NLGN4Y: variants seen among roughly 807,000 people sequenced by gnomAD.
NLGN4Y encodes the protein neuroligin 4 Y-linked.
Under a neutral mutation model 8.4 loss-of-function variants are expected in NLGN4Y, and 4 were observed. That is an observed-to-expected ratio of 0.48 (90% CI 0.23 to 1.09). NLGN4Y has a LOEUF of 1.09. Ranked by LOEUF, NLGN4Y falls within the 50% of genes least tolerant of loss-of-function variation. The probability of loss-of-function intolerance (pLI) is 0.19; values close to 1 mark genes in which losing one functional copy is unlikely to be tolerated. For synonymous variants in NLGN4Y, 35 were observed against 75.6 expected (o/e 0.46, Z 2.78); for missense variants, 90 against 192.3 (o/e 0.47, Z 3.15).
chrY:14,804,527 G>A (rs2043049847), intron 4 of NLGN4Y, among the ~76,000 whole-genome samples: 1 of 33,326 alleles, frequency 3.0e-5, no homozygotes, highest in Non-Finnish European at 7.4e-5. Flanking sequence ...TGATTATGAG[G>A]ACTTCAAGGC....
At chrY:14,542,037 G>A in intron 1 of NLGN4Y, among the ~76,000 whole-genome samples, 1 of 33,394 alleles carries the variant, frequency 3.0e-5, no homozygotes. Flanking sequence ...AACACTCATT[G>A]GTGAGCTCTA....
chrY:14,675,212 A>T (rs772377078), intron 2 of NLGN4Y, among the ~76,000 whole-genome samples: 42 of 33,352 alleles, frequency 1.3e-3, no homozygotes, highest in Middle Eastern at 0.013. Flanking sequence ...GATAATGATT[A>T]CTAGAGTCCA....
intron 1 of NLGN4Y, among the ~76,000 whole-genome samples, chrY:14,559,435 A>G: frequency 3.0e-5 from 1 of 33,474 alleles, no homozygotes. Context: ...GCCATTTCAA[A>G]ATATATGAAA....
chrY:14,625,981 A>G (rs748874073), intron 2 of NLGN4Y, among the ~76,000 whole-genome samples: 3 of 33,859 alleles, frequency 8.9e-5, no homozygotes, highest in Admixed American at 2.6e-4. Context: ...GAGCCAAGGA[A>G]CCACTTCCGG....
intron 4 of NLGN4Y, among the ~76,000 whole-genome samples, chrY:14,744,193 C>T (rs1034847121): frequency 4.2e-4 from 14 of 33,482 alleles, no homozygotes; most frequent in Admixed American, 2.4e-3. Context: ...TATGTGTATA[C>T]GGTAAGTGCT....
At chrY:14,589,856 C>A (rs1016520320) in intron 1 of NLGN4Y, among the ~76,000 whole-genome samples, 64 of 34,305 alleles carry the variant, frequency 1.9e-3, no homozygotes, top group South Asian at 5.1e-3. Flanking sequence ...TGGGGAGGCT[C>A]GGGCCGCACA....
At chrY:14,553,536 A>T (rs2080201337) in intron 1 of NLGN4Y, among the ~76,000 whole-genome samples, 1 of 29,616 alleles carries the variant, frequency 3.4e-5, no homozygotes, top group South Asian at 8.0e-4. Context: ...ACAAGGCCCC[A>T]GTAACCAAAG....
At chrY:14,785,623 G>A in intron 4 of NLGN4Y, among the ~76,000 whole-genome samples, 1 of 32,771 alleles carries the variant, frequency 3.1e-5, no homozygotes, top group Non-Finnish European at 7.5e-5. Context: ...CATTAGCCGG[G>A]CGCTGTGGCG....
At chrY:14,725,121 A>G (rs2080951825) in intron 4 of NLGN4Y, among the ~76,000 whole-genome samples, 1 of 33,276 alleles carries the variant, frequency 3.0e-5, no homozygotes, top group Non-Finnish European at 7.4e-5. Flanking sequence ...ACTCCACCCA[A>G]TCGATGATTA....
intron 1 of NLGN4Y, among the ~76,000 whole-genome samples, chrY:14,554,605 G>A: frequency 6.0e-5 from 2 of 33,416 alleles, no homozygotes; most frequent in Non-Finnish European, 1.5e-4. Flanking sequence ...GGATCTGCAC[G>A]ATGGTTATGA....
rs763463638 is a variant in NLGN4Y, at chrY:14,682,462, C to T, written c.473-36997C>T. On this transcript the variant is annotated intron_variant, in intron 2 of 6. Transcript: ENST00000684976. ...CTCTTGTCTTTTGCCAAGCAAAGAACAGTCCCTGGTATCTGGCAAAAGAGA... is the reference window on the plus strand; with the variant it reads ...CTCTTGTCTTTTGCCAAGCAAAGAATAGTCCCTGGTATCTGGCAAAAGAGA... 2.7e-4 allele frequency among the ~76,000 whole-genome samples: 9 copies of T among 33,301 alleles called. No individual in the cohort carries two copies. The Middle Eastern group carries it at 0.12, about 463-fold the overall frequency. 89.3% of individuals were successfully genotyped at this position (33,301 alleles called of 37,273 possible).
intron 1 of NLGN4Y, among the ~76,000 whole-genome samples, chrY:14,601,616 G>T (rs2080427320): frequency 3.1e-5 from 1 of 32,588 alleles, no homozygotes. Context: ...GAGCGTCTTG[G>T]TGGTGAAAGC....
chrY:14,733,932 A>G, intron 4 of NLGN4Y, among the ~76,000 whole-genome samples: 1 of 33,173 alleles, frequency 3.0e-5, no homozygotes. Context: ...GTGTCCCTTT[A>G]TCTTTGCCAT....
chrY:14,721,838 G>A, intron 3 of NLGN4Y, among the ~76,000 whole-genome samples: 1 of 32,375 alleles, frequency 3.1e-5, no homozygotes, highest in Non-Finnish European at 7.6e-5. Context: ...GTTTATAGGG[G>A]AGGTCAGTTT....
chrY:14,702,346 T>A, intron 2 of NLGN4Y, among the ~76,000 whole-genome samples: 1 of 31,362 alleles, frequency 3.2e-5, no homozygotes, highest in African/African-American at 1.2e-4. Flanking sequence ...CAGTGTGTGA[T>A]GTTCCCCTTC....
intron 2 of NLGN4Y, among the ~76,000 whole-genome samples, chrY:14,632,995 T>C (rs2080553925): frequency 3.0e-5 from 1 of 33,736 alleles, no homozygotes; most frequent in African/African-American, 1.2e-4. Context: ...ATGAAGAACA[T>C]TTTCCATTAC....
intron 1 of NLGN4Y, among the ~76,000 whole-genome samples, chrY:14,610,663 A>C: frequency 3.0e-5 from 1 of 33,020 alleles, no homozygotes; most frequent in South Asian, 6.7e-4. Context: ...TGTGGTGCTG[A>C]GAAGAATGTA....
chrY:14,626,140 T>C, intron 2 of NLGN4Y, among the ~76,000 whole-genome samples: 1 of 34,183 alleles, frequency 2.9e-5, no homozygotes, highest in Non-Finnish European at 7.3e-5. Context: ...ACTTCACGAA[T>C]GAAGCTGCCG....
At chrY:14,771,358 GAAACCCTACAAGCCAGAACTGGCTTGT>G (rs2081107583) in intron 4 of NLGN4Y, among the ~76,000 whole-genome samples, 1 of 32,133 alleles carries the variant, frequency 3.1e-5, no homozygotes. Context: ...TCTCTATGCA[GAAACCCTACAAGCCAGAACTGGCTTGT>G]AGGGTTTATT....
Sources: gnomAD v4.1 joint callset for allele counts (sites outside exome capture counted in the v4.1 genomes callset) on GRCh38, gnomAD v4.1.1 for gene constraint, MANE v1.5 for transcripts, NCBI Gene and HGNC (gene_info 2026-07-23, HGNC 2026-07-21) for gene names.